XRCC2: variants seen among roughly 807,000 people sequenced by gnomAD.
The protein encoded by XRCC2 is DNA repair protein XRCC2.
Under a neutral mutation model 27.3 loss-of-function variants are expected in XRCC2, and 24 were observed. The ratio of observed to expected loss-of-function variants is 0.88; its 90% CI spans 0.64 to 1.24. The LOEUF is 1.24. Ranked by LOEUF, XRCC2 falls within the 50% of genes most tolerant of loss-of-function variation. The pLI, the probability that XRCC2 is intolerant of heterozygous loss-of-function variation, is 0.00. For missense variants in XRCC2, 321 were observed against 325.8 expected (o/e 0.99, Z 0.11); for synonymous variants, 106 against 115.4 (o/e 0.92, Z 0.52).
At chr7:152,659,005 T>C (rs2098031947) in intron 2 of XRCC2, among the ~76,000 whole-genome samples, 1 of 152,234 alleles carries the variant, frequency 6.6e-6, no homozygotes, top group African/African-American at 2.4e-5. Context: ...GATTATGTGA[T>C]CATATGGTAG....
At position 152,660,709 on chromosome 7, in the gene XRCC2, G is replaced by C; in HGVS notation, c.113C>G (p.Pro38Arg). 6.2e-7 allele frequency: 1 copy of C among 1,612,600 alleles called. No homozygotes were observed. Among genetic ancestry groups the C allele is most frequent in the East Asian group, 2.2e-5 (1 of 44,850 alleles). ...EPNLFADEDS[P>R]VHGDILEFHG... ...AAGGTTGTATTTTTTACCATGCACA[G>C]GTGAATCTTCATCAGCAAACAGATT... is the stretch of plus-strand genomic sequence containing the variant. Residue 38 changes from proline (P) to arginine (R), a missense_variant, in exon 2 of 3, where the codon CCT becomes CGT. By Grantham distance (103) the Pro-to-Arg change is moderately radical (BLOSUM62 -2). Transcript: ENST00000359321.
At chr7:152,653,568 T>A (rs989224342) in intron 2 of XRCC2, among the ~76,000 whole-genome samples, 1 of 152,008 alleles carries the variant, frequency 6.6e-6, no homozygotes, top group Non-Finnish European at 1.5e-5. Context: ...CAAGCCATCC[T>A]CCCACCTCCG....
At position 152,648,817 on chromosome 7, in the gene XRCC2, T is replaced by C; in HGVS notation, c.668A>G (p.Tyr223Cys). 5 of 1,614,152 alleles carry C rather than the reference T, an allele frequency of 3.1e-6. No individual in the cohort carries two copies. Among genetic ancestry groups the C allele is most frequent in the Non-Finnish European group, 4.2e-6 (5 of 1,179,980 alleles). ...SRRLCDVDID[Y>C]RPYLCKAWQQ... is the part of the protein sequence containing the mutation. Reference sequence around the variant, plus strand: ...CCATGCCTTACAGAGATAAGGTCTGTAGTCTATGTCCACATCACACAGTCG... The same window carrying C: ...CCATGCCTTACAGAGATAAGGTCTGCAGTCTATGTCCACATCACACAGTCG... The change falls in exon 3 of 3, where the codon TAC (tyrosine) becomes TGC (cysteine). Residue 223 changes from tyrosine to cysteine, a missense_variant. Coordinates refer to ENST00000359321, the MANE Select transcript of XRCC2 (RefSeq NM_005431.2).
intron 2 of XRCC2, among the ~76,000 whole-genome samples, 185 bp from the exon 3 acceptor site, chr7:152,649,548 A>G (rs2098027626): frequency 6.6e-6 from 1 of 152,192 alleles, no homozygotes; most frequent in African/African-American, 2.4e-5. Context: ...CCTGGTGGGA[A>G]GGTTGGAAGA....
At chr7:152,664,714 C>T (rs3218450) in intron 1 of XRCC2, among the ~76,000 whole-genome samples, 57,666 of 151,924 alleles carry the variant, frequency 0.38, 12,598 homozygotes, top group Non-Finnish European at 0.47. Flanking sequence ...TCCATCATCA[C>T]GCTATTAGAG....
chr7:152,662,207 C>A (rs559803831), intron 1 of XRCC2, among the ~76,000 whole-genome samples: 1 of 152,252 alleles, frequency 6.6e-6, no homozygotes, highest in East Asian at 1.9e-4. Flanking sequence ...CTCAAATGAT[C>A]CGCTCCCATC....
In XRCC2 at chr7:152,661,142, A is replaced by T. The variant is rs192592812; in HGVS notation, c.40-360T>A. ...AGAGTGAGGCCCTATCTCAAAAAAA[A>T]TTTTTTTCATAATTTTGTGGATTTG... is the stretch of plus-strand genomic sequence containing the variant. On this transcript the variant is annotated intron_variant, in intron 1 of 2. Transcript: ENST00000359321. 1.2e-3 allele frequency among the ~76,000 whole-genome samples: 190 copies of T among 152,242 alleles called. 1 individual carries two copies. Among genetic ancestry groups the T allele is most frequent in the East Asian group, 3.3e-3 (17 of 5,180 alleles).
chr7:152,671,996 G>A (rs773045568), intron 1 of XRCC2, among the ~76,000 whole-genome samples: 3 of 152,110 alleles, frequency 2.0e-5, no homozygotes, highest in Non-Finnish European at 2.9e-5. Flanking sequence ...AGCTGTAATC[G>A]TGCCACTGCT....
At chr7:152,662,445 C>G (rs1590134888) in intron 1 of XRCC2, among the ~76,000 whole-genome samples, 1 of 150,242 alleles carries the variant, frequency 6.7e-6, no homozygotes, top group African/African-American at 2.5e-5. Flanking sequence ...TTAACTGTCA[C>G]AAGGGAGACA....
At chr7:152,675,178 A>T (rs2098040368) in intron 1 of XRCC2, among the ~76,000 whole-genome samples, 2 of 152,048 alleles carry the variant, frequency 1.3e-5, no homozygotes. Context: ...CAGTTATCTA[A>T]ATTAGCCATG....
At chr7:152,668,452 G>A (rs1312478736) in intron 1 of XRCC2, among the ~76,000 whole-genome samples, 1 of 152,000 alleles carries the variant, frequency 6.6e-6, no homozygotes, top group African/African-American at 2.4e-5. Flanking sequence ...AATTAATGAT[G>A]TCCAGATTCA....
chr7:152,652,369 TGATA>T (rs2098028917), intron 2 of XRCC2, among the ~76,000 whole-genome samples: 1 of 151,968 alleles, frequency 6.6e-6, no homozygotes, highest in South Asian at 2.1e-4. Flanking sequence ...CTGCCCTATG[TGATA>T]GAGAACAAGG....
rs1376630493 is a variant in XRCC2, at chr7:152,676,101, G to T, written c.-22C>A. 12 of 1,613,656 alleles carry T rather than the reference G, an allele frequency of 7.4e-6. No individual in the cohort carries two copies. Among genetic ancestry groups the T allele is most frequent in the Middle Eastern group, 1.6e-4 (1 of 6,062 alleles). On this transcript the variant is annotated 5_prime_UTR_variant, in exon 1 of 3. Coordinates refer to ENST00000359321, the MANE Select transcript of XRCC2 (RefSeq NM_005431.2). ...ACATCGCCCCGAAGGCTCGGCGCAG[G>T]AGAGACTCAACTTTCCCGCCACCAA...
In XRCC2 at chr7:152,663,346, TAAA is replaced by T. The variant is rs530664762; in HGVS notation, c.40-2567_40-2565del. On this transcript the variant is annotated intron_variant, in intron 1 of 2. Coordinates refer to ENST00000359321, the MANE Select transcript of XRCC2 (RefSeq NM_005431.2). ...GCTTTACGTAAGAATGTCTTTGAAG[TAAA>T]AAAAAAAAAAAAAAAAAAAAAAAAG... Among the ~76,000 whole-genome samples the T allele has an allele frequency of 4.1e-4, 33 of 80,904 alleles. 1 individual carries two copies. The highest frequency in any genetic ancestry group is 2.6e-3 in the Admixed American group (18 of 6,986). 53.1% of individuals were successfully genotyped at this position (80,904 alleles called of 152,430 possible).
chr7:152,662,290 TTGG>T lies in XRCC2; in HGVS notation c.40-1511_40-1509del, dbSNP rs370039876. 5.7e-4 allele frequency among the ~76,000 whole-genome samples: 86 copies of T among 152,098 alleles called. No individual in the cohort carries two copies. The East Asian group carries it at 0.015, about 26-fold the overall frequency. ...CTATCTGCATTTCAAACAGATCATC[TTGG>T]TGGTTACTAGGGGACAGATGTGAGG... On this transcript the variant is annotated intron_variant, in intron 1 of 2. Transcript: ENST00000359321.
At position 152,646,647 on chromosome 7, in the gene XRCC2, T is replaced by G. The variant is rs2098026070; in HGVS notation, c.*1995A>C. On this transcript the variant is annotated 3_prime_UTR_variant, in exon 3 of 3. Coordinates refer to ENST00000359321, the MANE Select transcript of XRCC2 (RefSeq NM_005431.2). Reference sequence around the variant, plus strand: ...ACGCACCACCATGCCCAGCTAATTTTTTGTATTTTAATAGAGATGGGGTTT... The same window carrying G: ...ACGCACCACCATGCCCAGCTAATTTGTTGTATTTTAATAGAGATGGGGTTT... 1 of 152,136 alleles carries G rather than the reference T, an allele frequency of 6.6e-6. No individual in the cohort carries two copies. The highest frequency in any genetic ancestry group is 6.5e-5 in the Admixed American group (1 of 15,270). 9.4% of individuals were successfully genotyped at this position (152,136 alleles called of 1,614,324 possible).
At chr7:152,660,567 CTG>C (rs1378267718) in intron 2 of XRCC2, 132 bp downstream of exon 2, 8 of 671,390 alleles carry the variant, frequency 1.2e-5, no homozygotes, top group Non-Finnish European at 1.9e-5. Flanking sequence ...CTGTCACAAC[CTG>C]TGTCTCATTT....
chr7:152,669,826 C>T lies in XRCC2; in HGVS notation c.39+6215G>A, dbSNP rs1011776051. Among the ~76,000 whole-genome samples the T allele has an allele frequency of 8.0e-5, 12 of 149,124 alleles. No individual in the cohort carries two copies. In the Admixed American group the frequency reaches 8.1e-4, roughly 10 times the overall value. On this transcript the variant is annotated intron_variant, in intron 1 of 2. Coordinates refer to ENST00000359321, the MANE Select transcript of XRCC2 (RefSeq NM_005431.2). ...CAAAACTGATGGGGAGGCCAGGCAT[C>T]GTGGCTCATGCCTGTAATCCCAGCA... is the stretch of plus-strand genomic sequence containing the variant.
In XRCC2 at chr7:152,648,984, G is replaced by T. The variant is rs149929851; in HGVS notation, c.501C>A (p.Asn167Lys). Residue 167 changes from asparagine to lysine, a missense_variant, in exon 3 of 3, where the codon AAC becomes AAA. Physicochemically the swap from Asn to Lys is moderately conservative, Grantham distance 94 (BLOSUM62 0). Coordinates refer to ENST00000359321, the MANE Select transcript of XRCC2 (RefSeq NM_005431.2). ...IDRVNGGESV[N>K]LQESTLRKCS... ...ATTTCCTCAGAGTAGACTCCTGTAA[G>T]TTCACACTTTCTCCTCCATTGACGC... The T allele has an allele frequency of 1.4e-5, 23 of 1,614,214 alleles. No homozygotes were observed. The African/African-American group carries it at 2.9e-4, about 21-fold the overall frequency.
Sources: gnomAD v4.1 joint callset for allele counts (sites outside exome capture counted in the v4.1 genomes callset) on GRCh38, gnomAD v4.1.1 for gene constraint, MANE v1.5 for transcripts, NCBI Gene and HGNC (gene_info 2026-07-23, HGNC 2026-07-21) for gene names.